The following GASK1B variants were observed in gnomAD, a reference collection of about 807,000 sequenced individuals.
The protein encoded by GASK1B is golgi associated kinase 1B, also known as Golgi-associated kinase 1B.
GASK1B carries 34 observed loss-of-function variants against 42.8 expected under a neutral mutation model. That is an observed-to-expected ratio of 0.79 (90% CI 0.60 to 1.06). The LOEUF (loss-of-function observed/expected upper bound fraction) is 1.06, where lower values mean the gene tolerates loss of function less well. GASK1B is among the 50% of genes least tolerant of loss of function. The pLI, the probability that GASK1B is intolerant of heterozygous loss-of-function variation, is 0.00. For missense variants in GASK1B, 686 were observed against 661.0 expected (o/e 1.04, Z -0.42); for synonymous variants, 262 against 259.1 (o/e 1.01, Z -0.11).
rs1336635678 is a variant in GASK1B, at chr4:158,126,287, A to C, written c.*1120T>G. The C allele has an allele frequency of 6.6e-6, 1 of 152,150 alleles. No individual in the cohort carries two copies. The highest frequency in any genetic ancestry group is 1.5e-5 in the Non-Finnish European group (1 of 68,002). The allele number at this position is 152,150 out of a possible 1,614,324, so 9.4% of individuals were successfully genotyped here. ...ATCTGATTTAAAAAGTGTTAGAAGG[A>C]GTTTGGAGATGATTATTTGAGGCTT... On this transcript the variant is annotated 3_prime_UTR_variant, in exon 5 of 5. Transcript: ENST00000585682.
intron 2 of GASK1B, among the ~76,000 whole-genome samples, chr4:158,156,744 T>C (rs1579039061): frequency 6.6e-6 from 1 of 152,080 alleles, no homozygotes; most frequent in African/African-American, 2.4e-5. Flanking sequence ...ACTTTGCTTA[T>C]AACTCAAAAA....
intron 2 of GASK1B, among the ~76,000 whole-genome samples, chr4:158,168,061 T>C (rs1032936833): frequency 6.6e-6 from 1 of 152,292 alleles, no homozygotes; most frequent in Middle Eastern, 3.4e-3. Flanking sequence ...CATAACTATA[T>C]GAAATCATTT....
chr4:158,150,329 T>C (rs368664908), intron 3 of GASK1B, among the ~76,000 whole-genome samples: 3 of 147,212 alleles, frequency 2.0e-5, no homozygotes, highest in East Asian at 4.1e-4. Context: ...TGTATCCATC[T>C]GAGGCAAATA....
In GASK1B at chr4:158,127,153, G is replaced by T; in HGVS notation, c.*254C>A. 3.3e-6 allele frequency: 1 copy of T among 298,958 alleles called. No individual in the cohort carries two copies. Among genetic ancestry groups the T allele is most frequent in the East Asian group, 6.3e-5 (1 of 15,928 alleles). 18.5% of individuals were successfully genotyped at this position (298,958 alleles called of 1,614,324 possible). The stretch of plus-strand genomic sequence containing the variant: ...ATAACTGAAATTTCTGTTGTCAGAT[G>T]TTCAGACTGACACATAGCATGATGT... On this transcript the variant is annotated 3_prime_UTR_variant, in exon 5 of 5. Transcript: ENST00000585682.
intron 3 of GASK1B, among the ~76,000 whole-genome samples, chr4:158,152,461 T>C (rs546039153): frequency 6.6e-6 from 1 of 151,664 alleles, no homozygotes; most frequent in Non-Finnish European, 1.5e-5. Context: ...CACTATAAGA[T>C]AGGGAAAGAA....
At chr4:158,152,684 G>T (rs1485087168) in intron 3 of GASK1B, among the ~76,000 whole-genome samples, 2 of 152,078 alleles carry the variant, frequency 1.3e-5, no homozygotes, top group Non-Finnish European at 2.9e-5. Context: ...ATACAAGGAT[G>T]GTTTAACATA....
chr4:158,150,693 C>G (rs1731523444), intron 3 of GASK1B, among the ~76,000 whole-genome samples: 1 of 152,162 alleles, frequency 6.6e-6, no homozygotes, highest in African/African-American at 2.4e-5. Context: ...GCCTACTTCA[C>G]AGAACTAGTA....
chr4:158,139,930 TA>T (rs1218980956), intron 3 of GASK1B, among the ~76,000 whole-genome samples: 20 of 152,208 alleles, frequency 1.3e-4, no homozygotes, highest in African/African-American at 4.8e-4. Flanking sequence ...CACAGGATAT[TA>T]AAAAGACAGG....
rs750681669 is a variant in GASK1B at position 158,171,393 on chromosome 4, A to G, written c.-18T>C. The G allele has an allele frequency of 6.5e-7, 1 of 1,538,788 alleles. No individual in the cohort carries two copies. Among genetic ancestry groups the G allele is most frequent in the African/African-American group, 1.4e-5 (1 of 72,870 alleles). On this transcript the variant is annotated 5_prime_UTR_variant, in exon 2 of 5. It removes an upstream start codon present in the reference 5' UTR. Transcript: ENST00000585682. ...CAGGTCATTTCTCTGCCGCATCCACATGTTGAACGGAGTTTAAAGTCTGCA... is the reference window on the plus strand; with the variant it reads ...CAGGTCATTTCTCTGCCGCATCCACGTGTTGAACGGAGTTTAAAGTCTGCA...
At chr4:158,149,641 A>C (rs1579029680) in intron 3 of GASK1B, among the ~76,000 whole-genome samples, 1 of 152,030 alleles carries the variant, frequency 6.6e-6, no homozygotes, top group African/African-American at 2.4e-5. Flanking sequence ...CTCCCCAAAC[A>C]TTTGACCTCA....
At position 158,171,281 on chromosome 4, in the gene GASK1B, G is replaced by T. The variant is rs1732521567; in HGVS notation, c.95C>A (p.Pro32Gln). 1.2e-6 allele frequency: 2 copies of T among 1,613,702 alleles called. No homozygotes were observed. Among genetic ancestry groups the T allele is most frequent in the Admixed American group, 1.7e-5 (1 of 60,006 alleles). Residue 32 changes from proline to glutamine, a missense_variant, in exon 2 of 5, where the codon CCA (proline) becomes CAA (glutamine). Coordinates refer to ENST00000585682, the MANE Select transcript of GASK1B (RefSeq NM_001128424.2). ...RVRKLWSSRR[P>Q]RTRRNLLLGT... is the part of the protein sequence containing the mutation. ...CAGCAGAAGGTTTCTCCGGGTCCTT[G>T]GACGCCGGCTGCTCCAGAGCTTACG...
At chr4:158,155,849 C>T in intron 2 of GASK1B, 24 bp from the exon 3 acceptor site, 2 of 1,599,766 alleles carry the variant, frequency 1.3e-6, no homozygotes, top group Non-Finnish European at 1.7e-6. Flanking sequence ...AAAACAAACA[C>T]ACTTTCAGCA....
At chr4:158,134,024 T>A (rs1730787201) in intron 3 of GASK1B, among the ~76,000 whole-genome samples, 3 of 152,232 alleles carry the variant, frequency 2.0e-5, no homozygotes, top group Admixed American at 2.0e-4. Context: ...TATAGTAAAT[T>A]ACGTCTTTGT....
At position 158,164,941 on chromosome 4, in the gene GASK1B, G is replaced by C. The variant is rs72973878; in HGVS notation, c.910+5525C>G. On this transcript the variant is annotated intron_variant, in intron 2 of 4. Coordinates refer to ENST00000585682, the MANE Select transcript of GASK1B (RefSeq NM_001128424.2). ...AAGAGGCAATACAAGTTGGAAAACAGTGAGCAACTTGGGATCTACAATGAA... is the reference window on the plus strand; with the variant it reads ...AAGAGGCAATACAAGTTGGAAAACACTGAGCAACTTGGGATCTACAATGAA... 2.8e-3 allele frequency among the ~76,000 whole-genome samples: 434 copies of C among 152,312 alleles called. 4 individuals carry two copies. Among genetic ancestry groups the C allele is most frequent in the African/African-American group, 1.0e-2 (415 of 41,560 alleles).
intron 3 of GASK1B, among the ~76,000 whole-genome samples, chr4:158,133,824 C>A (rs1039943206): frequency 3.9e-5 from 6 of 152,168 alleles, no homozygotes; most frequent in African/African-American, 1.4e-4. Flanking sequence ...TGTGTGCATT[C>A]AGCCCAACTT....
intron 3 of GASK1B, among the ~76,000 whole-genome samples, chr4:158,152,250 A>G (rs2881473): frequency 0.9 from 137,206 of 152,118 alleles, 62,599 homozygotes; most frequent in East Asian, 0.98. Flanking sequence ...GTGGGACTTC[A>G]CCTTGTGATT....
intron 3 of GASK1B, among the ~76,000 whole-genome samples, chr4:158,131,303 A>G (rs919856380): frequency 2.6e-5 from 4 of 152,210 alleles, no homozygotes; most frequent in African/African-American, 9.6e-5. Flanking sequence ...ACATACAGAC[A>G]CATGGCCAGC....
intron 2 of GASK1B, among the ~76,000 whole-genome samples, chr4:158,167,479 T>C (rs1375924546): frequency 6.6e-6 from 1 of 152,214 alleles, no homozygotes; most frequent in East Asian, 1.9e-4. Flanking sequence ...ACTAAAAATG[T>C]TATTACACGT....
intron 2 of GASK1B, chr4:158,168,961 A>C (rs1732341330): frequency 6.6e-6 from 1 of 152,180 alleles, no homozygotes; most frequent in Non-Finnish European, 1.5e-5. Flanking sequence ...TTGGATAATA[A>C]GTTACATATT....
Sources: allele counts gnomAD v4.1 joint callset (sites outside exome capture counted in the v4.1 genomes callset), GRCh38; gene constraint gnomAD v4.1.1; transcripts MANE v1.5; gene names NCBI Gene and HGNC (gene_info 2026-07-23, HGNC 2026-07-21).